SLC38A1: variants seen among roughly 807,000 people sequenced by gnomAD.
The protein encoded by SLC38A1 is sodium-coupled neutral amino acid symporter 1.
SLC38A1 carries 18 observed loss-of-function variants against 60.3 expected under a neutral mutation model. The ratio of observed to expected loss-of-function variants is 0.30; its 90% CI spans 0.21 to 0.44. SLC38A1 has a LOEUF of 0.44. Among genes scored for constraint, SLC38A1 ranks in the 20% least tolerant of loss-of-function variants. The pLI is 1.00. For missense variants in SLC38A1, 448 were observed against 587.2 expected, an observed-to-expected ratio of 0.76 and a Z score of 2.45; for synonymous variants, 196 against 212.1, an observed-to-expected ratio of 0.92 and a Z score of 0.66.
chr12:46,210,508 C>A (rs1940111799), intron 5 of SLC38A1, among the ~76,000 whole-genome samples: 1 of 152,164 alleles, frequency 6.6e-6, no homozygotes. Flanking sequence ...ATACTTATTT[C>A]CCTAAAATCC....
intron 1 of SLC38A1, among the ~76,000 whole-genome samples, chr12:46,263,346 T>G (rs969687533): frequency 2.0e-5 from 3 of 152,192 alleles, no homozygotes; most frequent in African/African-American, 4.8e-5. Flanking sequence ...TCCCATCTAT[T>G]TCCCTCCAAC....
chr12:46,240,061 A>C (rs998327788), intron 2 of SLC38A1, among the ~76,000 whole-genome samples, 168 bp from the exon 3 acceptor site: 1 of 152,052 alleles, frequency 6.6e-6, no homozygotes, highest in African/African-American at 2.4e-5. Context: ...GGTGTATCTA[A>C]ATTTTATGCC....
intron 5 of SLC38A1, among the ~76,000 whole-genome samples, chr12:46,220,326 T>A (rs974463459): frequency 3.9e-4 from 60 of 152,338 alleles, no homozygotes; most frequent in African/African-American, 1.3e-3. Flanking sequence ...CTGATGTCAA[T>A]GATTTTTGCT....
Position 46,268,986 on chromosome 12 carries a change from C to T in SLC38A1, c.-669G>A, listed in dbSNP as rs974925372. 6 of 392,656 alleles carry T rather than the reference C, an allele frequency of 1.5e-5. No individual in the cohort carries two copies. The highest frequency in any genetic ancestry group is 7.9e-5 in the Admixed American group (3 of 38,182). The allele number at this position is 392,656 out of a possible 1,614,324, so 24.3% of individuals were successfully genotyped here. ...GCGGACAGGCCATTCCTCCCCGTCC[C>T]GCGCGCGGTCTCCTCCCCTCCTGTG... On this transcript the variant is annotated 5_prime_UTR_variant, in exon 1 of 17. Transcript: ENST00000398637. This position sits in a 1 kb window ranked among gnomAD's most constrained non-coding sequence, Gnocchi z 4.4.
At chr12:46,225,640 G>A (rs1427705300) in intron 5 of SLC38A1, among the ~76,000 whole-genome samples, 1 of 152,150 alleles carries the variant, frequency 6.6e-6, no homozygotes, top group Non-Finnish European at 1.5e-5. Context: ...CCCAAGTAAA[G>A]GAACATCTTA....
chr12:46,240,108 A>T (rs954734068), intron 2 of SLC38A1, among the ~76,000 whole-genome samples: 4 of 152,166 alleles, frequency 2.6e-5, no homozygotes, highest in Admixed American at 2.6e-4. Context: ...CTATACAGTG[A>T]ATCATGCCCC....
chr12:46,257,086 A>G (rs1469304163), intron 1 of SLC38A1, among the ~76,000 whole-genome samples: 1 of 152,206 alleles, frequency 6.6e-6, no homozygotes, highest in Admixed American at 6.5e-5. Flanking sequence ...TGAAAAGTTC[A>G]GGCGGCCACT....
chr12:46,195,752 C>G, intron 16 of SLC38A1: 1 of 200,200 alleles, frequency 5.0e-6, no homozygotes, highest in Non-Finnish European at 1.0e-5. Context: ...ATGGAACCCA[C>G]TGAGCCAGGC....
At chr12:46,265,395 A>T (rs780389868) in intron 1 of SLC38A1, among the ~76,000 whole-genome samples, 14 of 152,234 alleles carry the variant, frequency 9.2e-5, no homozygotes, top group Non-Finnish European at 1.9e-4. Flanking sequence ...TGATCAGTGA[A>T]CACTTCTCCC....
chr12:46,220,543 G>T (rs1462804968), intron 5 of SLC38A1, among the ~76,000 whole-genome samples: 1 of 152,126 alleles, frequency 6.6e-6, no homozygotes. Context: ...ATCCAGTTTG[G>T]TATTTCCTAA....
chr12:46,252,910 T>C (rs1274900489), intron 1 of SLC38A1, among the ~76,000 whole-genome samples: 1 of 150,214 alleles, frequency 6.7e-6, no homozygotes, highest in East Asian at 2.0e-4. Flanking sequence ...CCTGGATGAA[T>C]CTGGAGGACA....
intron 2 of SLC38A1, among the ~76,000 whole-genome samples, chr12:46,241,032 T>A (rs1941427474): frequency 6.6e-6 from 1 of 152,106 alleles, no homozygotes; most frequent in Admixed American, 6.6e-5. Flanking sequence ...AAAAAGCAGA[T>A]GGCCACAGAG....
In SLC38A1 at chr12:46,268,052, C is replaced by G. The variant is rs992803694; in HGVS notation, c.-209+474G>C. On this transcript the variant is annotated intron_variant, in intron 1 of 16. Coordinates refer to ENST00000398637, the MANE Select transcript of SLC38A1 (RefSeq NM_030674.4). The surrounding 1 kb of genome is among the most constrained non-coding windows in gnomAD (Gnocchi z 4.4). ...CCAGCCGGCCGCACGCAGCACCCCC[C>G]GGACATCACACGATCTCCTCTGGGC... is the stretch of plus-strand genomic sequence containing the variant. 1.3e-5 allele frequency among the ~76,000 whole-genome samples: 2 copies of G among 152,178 alleles called. No homozygotes were observed. Among genetic ancestry groups the G allele is most frequent in the African/African-American group, 2.4e-5 (1 of 41,434 alleles).
At chr12:46,202,794 G>T (rs1270183764) in intron 12 of SLC38A1, among the ~76,000 whole-genome samples, 4 of 152,152 alleles carry the variant, frequency 2.6e-5, no homozygotes, top group Non-Finnish European at 1.5e-5. Context: ...TTATGTTTAT[G>T]GCCCCCCAAA....
At chr12:46,258,014 G>A (rs1228021298) in intron 1 of SLC38A1, among the ~76,000 whole-genome samples, 1 of 152,208 alleles carries the variant, frequency 6.6e-6, no homozygotes, top group Non-Finnish European at 1.5e-5. Flanking sequence ...AACAAGGGGT[G>A]AATTATTCAT....
At position 46,195,519 on chromosome 12, in the gene SLC38A1, C is replaced by T. The variant is rs147652145; in HGVS notation, c.1362+2201G>A. Among the ~76,000 whole-genome samples, 10 of 152,238 alleles carry T rather than the reference C, an allele frequency of 6.6e-5. No individual in the cohort carries two copies. In the East Asian group the frequency reaches 7.7e-4, roughly 12 times the overall value. On this transcript the variant is annotated intron_variant, in intron 16 of 16. Coordinates refer to ENST00000398637, the MANE Select transcript of SLC38A1 (RefSeq NM_030674.4). ...TTAAGTCTGCAAAAGCTGTCTGCTG[C>T]GTTTTTTTCTGCCATGCCCTGCCTC...
At chr12:46,242,828 C>A (rs945087894) in intron 2 of SLC38A1, among the ~76,000 whole-genome samples, 13 of 152,012 alleles carry the variant, frequency 8.6e-5, no homozygotes, top group African/African-American at 3.1e-4. Context: ...GCAACACATA[C>A]TCACTGTAGA....
chr12:46,263,180 T>G (rs1446042541), intron 1 of SLC38A1, among the ~76,000 whole-genome samples: 1 of 152,082 alleles, frequency 6.6e-6, no homozygotes, highest in Non-Finnish European at 1.5e-5. Context: ...CCAAGCATGG[T>G]TATTTTAAAC....
rs542220844 is a variant in SLC38A1, at chr12:46,268,779, C to A, written c.-462G>T. ...GCCGCCCCAGTCCGCGCTCGCCTGGCTCTCCTCCTTTCCGGGCCGATTGCA... is the reference window on the plus strand; with the variant it reads ...GCCGCCCCAGTCCGCGCTCGCCTGGATCTCCTCCTTTCCGGGCCGATTGCA... On this transcript the variant is annotated 5_prime_UTR_variant, in exon 1 of 17. Transcript: ENST00000398637. The surrounding 1 kb of genome is among the most constrained non-coding windows in gnomAD (Gnocchi z 4.4). The A allele has an allele frequency of 7.1e-5, 26 of 366,384 alleles. 1 individual carries two copies. In the East Asian group the frequency reaches 2.2e-3, roughly 31 times the overall value. The allele number at this position is 366,384 out of a possible 1,614,324, so 22.7% of individuals were successfully genotyped here.
Sources: allele counts gnomAD v4.1 joint callset (sites outside exome capture counted in the v4.1 genomes callset), GRCh38; gene constraint gnomAD v4.1.1; non-coding constraint Gnocchi (gnomAD v3.1); transcripts MANE v1.5; gene names NCBI Gene and HGNC (gene_info 2026-07-23, HGNC 2026-07-21).